Variants in PLAA observed in about 807,000 individuals in gnomAD.
PLAA encodes phospholipase A-2-activating protein.
In PLAA, 48 loss-of-function variants were observed where a neutral mutation model predicts 84.1. That is an observed-to-expected ratio of 0.57 (90% CI 0.45 to 0.73). The LOEUF (loss-of-function observed/expected upper bound fraction) is 0.73. Ranked by LOEUF, PLAA falls within the 30% of genes least tolerant of loss-of-function variation. PLAA has a pLI of 0.00. For missense variants in PLAA, 903 were observed against 954.7 expected (o/e 0.95, Z 0.71); for synonymous variants, 392 against 336.6 (o/e 1.16, Z -1.80).
intron 1 of PLAA, among the ~76,000 whole-genome samples, chr9:26,938,004 A>G (rs1825414534): frequency 6.6e-6 from 1 of 152,182 alleles, no homozygotes; most frequent in Non-Finnish European, 1.5e-5. Context: ...GGCTGGAAAC[A>G]TCCCAAATTT....
chr9:26,913,741 C>T (rs1824463763), intron 11 of PLAA, 138 bp downstream of exon 11: 1 of 588,516 alleles, frequency 1.7e-6, no homozygotes, highest in Non-Finnish European at 3.0e-6. Context: ...ACTCAAAAAG[C>T]CAGACAAGTT....
intron 2 of PLAA, among the ~76,000 whole-genome samples, chr9:26,932,882 C>T (rs1217111489): frequency 1.3e-5 from 2 of 152,126 alleles, no homozygotes; most frequent in Non-Finnish European, 2.9e-5. Flanking sequence ...TGCCTATAAA[C>T]CCAGAACTTT....
chr9:26,944,390 G>A (rs1459841764), intron 1 of PLAA, among the ~76,000 whole-genome samples: 1 of 152,168 alleles, frequency 6.6e-6, no homozygotes, highest in East Asian at 1.9e-4. Context: ...CAATATGTCA[G>A]ATTTGAGGAC....
chr9:26,908,079 A>G lies in PLAA; in HGVS notation c.1658-81T>C, dbSNP rs568504763. ...TATAAATGCCAAGACTTTCAATAAA[A>G]GTACTCTAGTGTACACCATGGGGAG... On this transcript the variant is annotated intron_variant, in intron 12 of 13. Transcript: ENST00000397292. 3.9e-5 allele frequency: 40 copies of G among 1,025,816 alleles called. 1 individual carries two copies. In the South Asian group the frequency reaches 4.3e-4, roughly 11 times the overall value. The allele number at this position is 1,025,816 out of a possible 1,614,324, so 63.5% of individuals were successfully genotyped here.
At chr9:26,926,586 T>C (rs1824975029) in intron 4 of PLAA, 26 bp from the exon 5 acceptor site, 1 of 1,571,440 alleles carries the variant, frequency 6.4e-7, no homozygotes, top group Non-Finnish European at 8.7e-7. Flanking sequence ...ATAATGCAAA[T>C]CAATAAAACT....
chr9:26,931,139 T>C (rs114411462), intron 2 of PLAA, among the ~76,000 whole-genome samples: 11,050 of 143,898 alleles, frequency 0.077, 588 homozygotes, highest in African/African-American at 0.16. Context: ...TGGCCAGATA[T>C]GGAACAATTT....
intron 1 of PLAA, among the ~76,000 whole-genome samples, chr9:26,935,832 T>A (rs867659047): frequency 1.3e-4 from 19 of 151,234 alleles, no homozygotes; most frequent in African/African-American, 4.4e-4. Flanking sequence ...TACAGAAATA[T>A]ATAAATGGCT....
At chr9:26,930,110 T>TTA (rs1563915950) in intron 2 of PLAA, among the ~76,000 whole-genome samples, 35 of 150,290 alleles carry the variant, frequency 2.3e-4, no homozygotes, top group African/African-American at 8.2e-4. Context: ...ATTATTATTT[T>TTA]TTTTTTTTTT....
Position 26,913,073 on chromosome 9 carries a change from A to G in PLAA, c.1555+806T>C, listed in dbSNP as rs12341319. Among the ~76,000 whole-genome samples, 1,381 of 152,282 alleles carry G rather than the reference A, an allele frequency of 9.1e-3. 16 individuals carry two copies. The highest frequency in any genetic ancestry group is 0.031 in the African/African-American group (1,288 of 41,574). The stretch of plus-strand genomic sequence containing the variant: ...TCCCATCTCAAAAGTAATAAAAAAT[A>G]AAAACACATGCTAGGTTAGTTATTG... On this transcript the variant is annotated intron_variant, in intron 11 of 13. Transcript: ENST00000397292.
intron 10 of PLAA, chr9:26,916,504 C>T: frequency 3.0e-6 from 3 of 986,888 alleles, no homozygotes; most frequent in Non-Finnish European, 3.6e-6. Flanking sequence ...ACATTAATAA[C>T]TTAGATTAGG....
rs1241849840 is a variant in PLAA, at chr9:26,947,142, T to C, written c.-97A>G. 2 of 1,355,260 alleles carry C rather than the reference T, an allele frequency of 1.5e-6. No homozygotes were observed. The highest frequency in any genetic ancestry group is 3.3e-5 in the Admixed American group (1 of 30,666). The allele number at this position is 1,355,260 out of a possible 1,614,324, so 84.0% of individuals were successfully genotyped here. ...GCCGGGCCGCGGCGGGAGAAGAGCC[T>C]GCAGGTAAGGGGCGGCCGGAGACCG... On this transcript the variant is annotated 5_prime_UTR_variant, in exon 1 of 14. Transcript: ENST00000397292.
intron 1 of PLAA, among the ~76,000 whole-genome samples, chr9:26,945,317 C>G (rs934912947): frequency 2.0e-5 from 3 of 152,148 alleles, no homozygotes; most frequent in African/African-American, 7.2e-5. Context: ...TGATTATACT[C>G]CTTACTGCAA....
intron 4 of PLAA, 83 bp from the exon 5 acceptor site, chr9:26,926,643 A>T (rs1824977243): frequency 1.1e-6 from 1 of 940,062 alleles, no homozygotes; most frequent in East Asian, 2.5e-5. Flanking sequence ...ATTATAAAAC[A>T]TATCAGTGAG....
At chr9:26,943,442 C>T (rs1825600273) in intron 1 of PLAA, among the ~76,000 whole-genome samples, 1 of 152,116 alleles carries the variant, frequency 6.6e-6, no homozygotes, top group African/African-American at 2.4e-5. Flanking sequence ...ACATGGAAAG[C>T]AGTGGTAAAT....
chr9:26,919,493 C>G lies in PLAA; in HGVS notation c.1234G>C (p.Gly412Arg). The part of the protein sequence containing the change: ...DYVFSIDVNE[G>R]GPSYKLPYNT... ...TATGGCAATTTATATGATGGTCCAC[C>G]TTCATTGACATCAATTGAGAAAACA... Residue 412 changes from glycine (G) to arginine (R), a missense_variant, in exon 9 of 14, where the codon GGT becomes CGT. By Grantham distance (125) the Gly-to-Arg change is moderately radical. Transcript: ENST00000397292. The G allele has an allele frequency of 6.2e-7, 1 of 1,607,780 alleles. No homozygotes were observed. Among genetic ancestry groups the G allele is most frequent in the Non-Finnish European group, 8.5e-7 (1 of 1,175,010 alleles).
intron 7 of PLAA, 77 bp from the exon 8 acceptor site, chr9:26,920,461 A>G: frequency 5.4e-6 from 5 of 930,652 alleles, no homozygotes; most frequent in Non-Finnish European, 7.9e-6. Flanking sequence ...AAAATTCTTA[A>G]CATTAAAATT....
intron 13 of PLAA, among the ~76,000 whole-genome samples, chr9:26,906,811 G>C (rs1824252176): frequency 6.6e-6 from 1 of 152,006 alleles, no homozygotes; most frequent in South Asian, 2.1e-4. Context: ...AAGGGCCTGG[G>C]TAGATGCCAT....
At chr9:26,929,363 G>A (rs1037677107) in intron 2 of PLAA, among the ~76,000 whole-genome samples, 2 of 151,504 alleles carry the variant, frequency 1.3e-5, no homozygotes, top group African/African-American at 2.4e-5. Context: ...ATGGTGTCAC[G>A]CGCCTGTCGT....
At chr9:26,911,561 T>G (rs751874207) in intron 11 of PLAA, among the ~76,000 whole-genome samples, 1 of 152,236 alleles carries the variant, frequency 6.6e-6, no homozygotes, top group African/African-American at 2.4e-5. Context: ...GTGCTGAGAT[T>G]ACAGGCGTGA....
Sources: gnomAD v4.1 joint callset for allele counts (sites outside exome capture counted in the v4.1 genomes callset) on GRCh38, gnomAD v4.1.1 for gene constraint, MANE v1.5 for transcripts, NCBI Gene and HGNC (gene_info 2026-07-23, HGNC 2026-07-21) for gene names.